The following MACROD2 variants were observed in gnomAD, a reference collection of about 807,000 sequenced individuals.
The protein encoded by MACROD2 is ADP-ribose glycohydrolase MACROD2.
A neutral mutation model predicts 70.4 loss-of-function variants in MACROD2; 36 were observed. That is an observed-to-expected ratio of 0.51 (90% CI 0.39 to 0.68). MACROD2 has a LOEUF of 0.68. Among genes scored for constraint, MACROD2 ranks in the 30% least tolerant of loss-of-function variants. The pLI, the probability that MACROD2 is intolerant of heterozygous loss-of-function variation, is 0.00. For synonymous variants in MACROD2, 172 were observed against 178.8 expected, an observed-to-expected ratio of 0.96 and a Z score of 0.30; for missense variants, 496 against 538.4, an observed-to-expected ratio of 0.92 and a Z score of 0.78.
chr20:15,286,549 G>A (rs73101246), intron 6 of MACROD2, among the ~76,000 whole-genome samples: 3,862 of 149,966 alleles, frequency 0.026, 65 homozygotes, highest in Middle Eastern at 0.084. Flanking sequence ...TAAACAAAGG[G>A]ATAAAGATAA....
rs1193196498 is a variant in MACROD2 at position 14,461,502 on chromosome 20, C to CT, written c.272-31967dup. On this transcript the variant is annotated intron_variant, in intron 3 of 17. Transcript: ENST00000684519. ...TTTGTTTGCTGTTACTTCTCTAGGT[C>CT]TTTTTTTTTTATTATACTTTAAGTT... 5.7e-3 allele frequency among the ~76,000 whole-genome samples: 842 copies of CT among 147,588 alleles called. 13 individuals carry two copies. Among genetic ancestry groups the CT allele is most frequent in the African/African-American group, 0.018 (731 of 40,298 alleles).
At chr20:14,354,631 G>T (rs972952096) in intron 3 of MACROD2, among the ~76,000 whole-genome samples, 1 of 152,012 alleles carries the variant, frequency 6.6e-6, no homozygotes, top group African/African-American at 2.4e-5. Flanking sequence ...TTAGATTCAC[G>T]GGTACCTGTG....
intron 3 of MACROD2, among the ~76,000 whole-genome samples, chr20:14,224,982 G>A (rs2081718717): frequency 6.6e-6 from 1 of 152,176 alleles, no homozygotes; most frequent in African/African-American, 2.4e-5. Context: ...GATTGGATCT[G>A]ATTTCCTGGG....
intron 2 of MACROD2, among the ~76,000 whole-genome samples, chr20:14,071,896 T>C (rs2053848662): frequency 6.6e-6 from 1 of 152,114 alleles, no homozygotes; most frequent in Admixed American, 6.6e-5. Flanking sequence ...TTAGTGAAAC[T>C]TTGTCTCTAC....
intron 5 of MACROD2, among the ~76,000 whole-genome samples, chr20:14,856,878 T>A (rs925818031): frequency 5.3e-5 from 8 of 152,214 alleles, no homozygotes; most frequent in Non-Finnish European, 1.2e-4. Flanking sequence ...ACCTCTCAAA[T>A]ATACAGTCCT....
At chr20:15,055,502 AT>A (rs915417153) in intron 5 of MACROD2, among the ~76,000 whole-genome samples, 1 of 152,132 alleles carries the variant, frequency 6.6e-6, no homozygotes, top group African/African-American at 2.4e-5. Context: ...GAACAGATGT[AT>A]TTTCTCCCCC....
chr20:14,081,360 C>T (rs1336903327), intron 2 of MACROD2, among the ~76,000 whole-genome samples: 1 of 152,136 alleles, frequency 6.6e-6, no homozygotes, highest in Non-Finnish European at 1.5e-5. Context: ...GTCTCTTTCC[C>T]TTTATTGTAA....
intron 6 of MACROD2, among the ~76,000 whole-genome samples, chr20:15,287,718 A>G (rs140047469): frequency 0.014 from 2,096 of 152,354 alleles, 50 homozygotes; most frequent in African/African-American, 0.046. Flanking sequence ...CTCTTGCAAC[A>G]GCTAAACAGA....
intron 8 of MACROD2, among the ~76,000 whole-genome samples, chr20:15,747,556 T>C (rs952552512): frequency 2.6e-5 from 4 of 152,204 alleles, no homozygotes; most frequent in South Asian, 2.1e-4. Flanking sequence ...AGTATTGTTA[T>C]GTTTATTTTA....
intron 15 of MACROD2, among the ~76,000 whole-genome samples, chr20:15,992,387 C>T (rs1228709664): frequency 6.6e-6 from 1 of 152,124 alleles, no homozygotes; most frequent in East Asian, 1.9e-4. Flanking sequence ...TCTCAGGCTC[C>T]AAGCTCCTGC....
chr20:15,180,170 C>G (rs1400644076), intron 5 of MACROD2, among the ~76,000 whole-genome samples: 1 of 152,156 alleles, frequency 6.6e-6, no homozygotes, highest in Non-Finnish European at 1.5e-5. Context: ...TCTCCATATA[C>G]ATTTATATTC....
intron 4 of MACROD2, among the ~76,000 whole-genome samples, chr20:14,657,479 GT>G (rs1254317758): frequency 6.6e-6 from 1 of 152,218 alleles, no homozygotes; most frequent in East Asian, 1.9e-4. Context: ...AGCCAGAACT[GT>G]TACACACTGT....
chr20:14,111,916 G>A (rs1339444977), intron 3 of MACROD2, among the ~76,000 whole-genome samples: 2 of 152,040 alleles, frequency 1.3e-5, no homozygotes, highest in Admixed American at 1.3e-4. Context: ...CATGTTTGTT[G>A]CAGCACTGTT....
intron 10 of MACROD2, among the ~76,000 whole-genome samples, chr20:15,909,797 A>T (rs1328890716): frequency 6.6e-6 from 1 of 152,144 alleles, no homozygotes; most frequent in African/African-American, 2.4e-5. Flanking sequence ...TGCTGGGATT[A>T]TAGGCGTGAG....
intron 7 of MACROD2, among the ~76,000 whole-genome samples, chr20:15,488,463 G>A (rs773861120): frequency 6.6e-5 from 10 of 152,178 alleles, no homozygotes; most frequent in Non-Finnish European, 1.0e-4. Flanking sequence ...CCAGCAGGGT[G>A]GACACACAAT....
chr20:15,853,246 C>A (rs1246758694), intron 8 of MACROD2, among the ~76,000 whole-genome samples: 2 of 152,082 alleles, frequency 1.3e-5, no homozygotes, highest in Admixed American at 1.3e-4. Flanking sequence ...GTTTATGGAG[C>A]ATTTACTCTA....
At chr20:15,325,159 T>C (rs74792498) in intron 6 of MACROD2, among the ~76,000 whole-genome samples, 8,015 of 152,158 alleles carry the variant, frequency 0.053, 712 homozygotes, top group African/African-American at 0.18. Flanking sequence ...CATACAATCT[T>C]TCACCCCATT....
chr20:14,493,333 C>A, intron 3 of MACROD2, 146 bp from the exon 4 acceptor site: 2 of 486,158 alleles, frequency 4.1e-6, no homozygotes, highest in South Asian at 4.4e-5. Context: ...GTAATACAGG[C>A]TGTCTTTAAA....
intron 13 of MACROD2, among the ~76,000 whole-genome samples, chr20:15,978,582 G>GTCTCTCTCTCTCTCTCTCTCTCTCTCTC (rs59205516): frequency 7.5e-5 from 11 of 146,428 alleles, no homozygotes; most frequent in African/African-American, 2.8e-4. Context: ...CTGACCTTGG[G>GTCTCTCTCTCTCTCTCTCTCTCTCTCTC]TCTCTCTCTC....
Sources: gnomAD v4.1 joint callset for allele counts (sites outside exome capture counted in the v4.1 genomes callset) on GRCh38, gnomAD v4.1.1 for gene constraint, MANE v1.5 for transcripts, NCBI Gene and HGNC (gene_info 2026-07-23, HGNC 2026-07-21) for gene names.